The following AATK variants were observed in gnomAD, a reference collection of about 807,000 sequenced individuals.
AATK encodes the protein lemur tail kinase 1.
In AATK, 91 loss-of-function variants were observed where a neutral mutation model predicts 114.3. That is an observed-to-expected ratio of 0.80 (90% CI 0.67 to 0.95). The LOEUF (loss-of-function observed/expected upper bound fraction) is 0.95, where lower values mean the gene tolerates loss of function less well. Ranked by LOEUF, AATK falls within the 40% of genes least tolerant of loss-of-function variation. AATK has a pLI of 0.00. For synonymous variants in AATK, 1,075 were observed against 916.5 expected, an observed-to-expected ratio of 1.17 and a Z score of -3.12; for missense variants, 2,176 against 1,965.2, an observed-to-expected ratio of 1.11 and a Z score of -2.03.
intron 1 of AATK, among the ~76,000 whole-genome samples, chr17:81,155,535 G>A (rs557800988): frequency 3.3e-5 from 5 of 152,020 alleles, no homozygotes; most frequent in East Asian, 1.9e-4. Context: ...ACAGATGCCC[G>A]CCACCATGCC....
chr17:81,157,705 C>A (rs2061383438), intron 1 of AATK, among the ~76,000 whole-genome samples: 1 of 152,200 alleles, frequency 6.6e-6, no homozygotes, highest in Non-Finnish European at 1.5e-5. Context: ...CCAGGGCCTA[C>A]CCCAAGGCTG....
At chr17:81,164,408 G>A (rs1271759275) in intron 1 of AATK, among the ~76,000 whole-genome samples, 1 of 152,228 alleles carries the variant, frequency 6.6e-6, no homozygotes, top group Non-Finnish European at 1.5e-5. Context: ...GGGCCCCAGA[G>A]CCCAGCAGGT....
intron 1 of AATK, among the ~76,000 whole-genome samples, chr17:81,146,756 G>A (rs989785448): frequency 6.6e-5 from 10 of 151,830 alleles, no homozygotes; most frequent in Admixed American, 2.0e-4. Flanking sequence ...TGCCCAATCC[G>A]TGAGAAAATG....
rs748039722 is a variant in AATK at position 81,121,779 on chromosome 17, G to A, written c.2157C>T (p.Pro719=). 166 of 1,547,900 alleles carry A rather than the reference G, an allele frequency of 1.1e-4. No individual in the cohort carries two copies. Among genetic ancestry groups the A allele is most frequent in the South Asian group, 9.5e-4 (82 of 85,978 alleles). The change falls in exon 11 of 14, where the codon CCC becomes CCT. Residue 719 remains proline (P), a synonymous_variant. Transcript: ENST00000326724. ...PSPKQTPRAS[P]EPGYPGEPLL... ...GAGGCTCTCCAGGGTACCCCGGCTC[G>A]GGGGAGGCCCGTGGGGTCTGCTTTG...
chr17:81,120,275 A>T lies in AATK; in HGVS notation c.3661T>A (p.Phe1221Ile), dbSNP rs377359465. The T allele has an allele frequency of 3.1e-6, 5 of 1,603,858 alleles. No homozygotes were observed. The highest frequency in any genetic ancestry group is 4.3e-6 in the Non-Finnish European group (5 of 1,173,686). Reference sequence around the variant, plus strand: ...TTCTTGCGTTCCAGGTCCTCGCAGAAGGTCTCGGACAGCAGGCTGGGCATC... The same window carrying T: ...TTCTTGCGTTCCAGGTCCTCGCAGATGGTCTCGGACAGCAGGCTGGGCATC... ...LKMPSLLSET[F>I]CEDLERKKKA... Residue 1221 changes from phenylalanine to isoleucine, a missense_variant, in exon 11 of 14, where the codon TTC (phenylalanine) becomes ATC (isoleucine). Transcript: ENST00000326724.
At chr17:81,145,270 G>GAA (rs11393884) in intron 1 of AATK, among the ~76,000 whole-genome samples, 1 of 149,542 alleles carries the variant, frequency 6.7e-6, no homozygotes, top group African/African-American at 2.5e-5. Context: ...AAAGAAAAAA[G>GAA]AAAAAAATAG....
chr17:81,159,652 C>T (rs968436365), intron 1 of AATK, among the ~76,000 whole-genome samples: 4 of 152,122 alleles, frequency 2.6e-5, no homozygotes, highest in South Asian at 2.1e-4. Flanking sequence ...TTCCCAGAAG[C>T]AGAGCAGAAG....
chr17:81,128,848 T>C (rs2146318457), intron 3 of AATK: 1 of 1,199,880 alleles, frequency 8.3e-7, no homozygotes, highest in East Asian at 4.8e-5. Context: ...GGCCCGGAGC[T>C]CGACCCGTCA....
chr17:81,130,270 A>C (rs892069292), intron 3 of AATK, among the ~76,000 whole-genome samples: 1 of 152,158 alleles, frequency 6.6e-6, no homozygotes. Context: ...GGGAAGCCTC[A>C]GGCTGGAAGC....
intron 1 of AATK, among the ~76,000 whole-genome samples, chr17:81,138,673 GCACA>G (rs2061069789): frequency 2.1e-5 from 3 of 141,484 alleles, no homozygotes; most frequent in Middle Eastern, 4.4e-3. Flanking sequence ...ATCCATACAT[GCACA>G]CCCACCCACA....
rs901554054 is a variant in AATK, at chr17:81,126,838, C to T, written c.622-278G>A. The T allele has an allele frequency of 7.0e-6, 9 of 1,281,732 alleles. No homozygotes were observed. Among genetic ancestry groups the T allele is most frequent in the Non-Finnish European group, 6.9e-6 (7 of 1,011,072 alleles). 79.4% of individuals were successfully genotyped at this position (1,281,732 alleles called of 1,614,324 possible). A position where few individuals can be genotyped will look rare whatever the true frequency, so the allele number is the denominator to read the frequency against. On this transcript the variant is annotated intron_variant, in intron 6 of 13. Transcript: ENST00000326724. The surrounding 1 kb of genome is among the most constrained non-coding windows in gnomAD (Gnocchi z 5.1). ...TTGGCCTGTGGTAGAGAGAGAAACA[C>T]AGGGCCCAAGTGGATCTGCTTGATG...
intron 7 of AATK, chr17:81,125,454 G>A (rs982764736): frequency 2.5e-4 from 100 of 394,764 alleles, no homozygotes; most frequent in Admixed American, 4.1e-4. Context: ...GCCGGCTGCC[G>A]GAGTCCAGTT....
rs1387807805 is a variant in AATK at position 81,131,127 on chromosome 17, G to T, written c.268C>A (p.Pro90Thr). ...GTGAGTGGCAGGACGTACACGTCGG[G>T]CCCGTTCTGTGCTGCCGTGGCCGGG... is the stretch of plus-strand genomic sequence containing the variant. ...GSPATAAQNG[P>T]DVYVLPLTEV... The change falls in exon 3 of 14, where the codon CCC becomes ACC. Residue 90 changes from proline (P) to threonine (T), a missense_variant. Physicochemically the swap from Pro to Thr is conservative, Grantham distance 38. This residue lies in a region of AATK where 178 missense variants were observed against 175.4 expected (regional missense o/e 1.01). Transcript: ENST00000326724. 6.4e-7 allele frequency: 1 copy of T among 1,565,980 alleles called. No individual in the cohort carries two copies. The highest frequency in any genetic ancestry group is 1.2e-5 in the South Asian group (1 of 85,354).
rs774710532 is a variant in AATK at position 81,120,809 on chromosome 17, C to T, written c.3127G>A (p.Val1043Ile). 10 of 1,572,484 alleles carry T rather than the reference C, an allele frequency of 6.4e-6. No individual in the cohort carries two copies. In the East Asian group the frequency reaches 1.9e-4, roughly 30 times the overall value. ...CCAGAGCCTTGTGCCTCCCCGGAAA[C>T]CCCAGGCCTGAGACAGACCTGCTCA... ...PSEQVCLRPG[V>I]SGEAQGSGPG... The change falls in exon 11 of 14, where the codon GTT (valine) becomes ATT (isoleucine). Residue 1043 changes from valine to isoleucine, a missense_variant. Around this residue, in one of 4 missense-constraint regions of AATK, gnomAD observed 1,701 missense variants for 1,394.7 expected, o/e 1.22. Coordinates refer to ENST00000326724, the MANE Select transcript of AATK (RefSeq NM_001080395.3).
At chr17:81,143,835 C>T (rs2061176510) in intron 1 of AATK, among the ~76,000 whole-genome samples, 1 of 152,268 alleles carries the variant, frequency 6.6e-6, no homozygotes, top group Non-Finnish European at 1.5e-5. Flanking sequence ...AGGCTCTGCT[C>T]ACCCGTCGGG....
rs539463025 is a variant in AATK at position 81,138,934 on chromosome 17, GCA to G, written c.56-4435_56-4434del. Reference sequence around the variant, plus strand: ...GCGTAGACAGATACCACACGTGTAGGCACACACACATGCACACCCCCCACACG... The same window carrying G: ...GCGTAGACAGATACCACACGTGTAGGCACACACATGCACACCCCCCACACG... On this transcript the variant is annotated intron_variant, in intron 1 of 13. Transcript: ENST00000326724. 4.1e-3 allele frequency among the ~76,000 whole-genome samples: 605 copies of G among 147,838 alleles called. 6 individuals are homozygous for G. The highest frequency in any genetic ancestry group is 0.015 in the African/African-American group (587 of 39,690).
In AATK at chr17:81,121,057, G is replaced by A. The variant is rs200728517; in HGVS notation, c.2879C>T (p.Pro960Leu). The A allele has an allele frequency of 6.2e-7, 1 of 1,608,446 alleles. No individual in the cohort carries two copies. Among genetic ancestry groups the A allele is most frequent in the African/African-American group, 1.3e-5 (1 of 74,846 alleles). ...VLKEAQEGCE[P>L]QAFAELASEG... ...TGAGGCCAGCTCCGCAAAGGCCTGGGGCTCACACCCTTCCTGCGCCTCCTT... is the reference window on the plus strand; with the variant it reads ...TGAGGCCAGCTCCGCAAAGGCCTGGAGCTCACACCCTTCCTGCGCCTCCTT... The change falls in exon 11 of 14, where the codon CCC (proline) becomes CTC (leucine). Residue 960 changes from proline to leucine, a missense_variant. Coordinates refer to ENST00000326724, the MANE Select transcript of AATK (RefSeq NM_001080395.3).
Position 81,126,789 on chromosome 17 carries a change from C to G in AATK, c.622-229G>C. Reference sequence around the variant, plus strand: ...AGGCTTCCTCTCCACTGCCCCTCAGCCAGCCCCGGGCAGCAGGAGTCCCTT... The same window carrying G: ...AGGCTTCCTCTCCACTGCCCCTCAGGCAGCCCCGGGCAGCAGGAGTCCCTT... On this transcript the variant is annotated intron_variant, in intron 6 of 13. Coordinates refer to ENST00000326724, the MANE Select transcript of AATK (RefSeq NM_001080395.3). This position sits in a 1 kb window ranked among gnomAD's most constrained non-coding sequence, Gnocchi z 5.1. The G allele has an allele frequency of 7.2e-7, 1 of 1,379,348 alleles. No individual in the cohort carries two copies. The highest frequency in any genetic ancestry group is 9.4e-7 in the Non-Finnish European group (1 of 1,067,072). The allele number at this position is 1,379,348 out of a possible 1,614,324, so 85.4% of individuals were successfully genotyped here. A position where few individuals can be genotyped will look rare whatever the true frequency, so the allele number is the denominator to read the frequency against.
In AATK at chr17:81,120,283, G is replaced by T. The variant is rs771887428; in HGVS notation, c.3653C>A (p.Ser1218Tyr). ...TTCCAGGTCCTCGCAGAAGGTCTCG[G>T]ACAGCAGGCTGGGCATCTTGAGCAG... ...RSLLKMPSLL[S>Y]ETFCEDLERK... The change falls in exon 11 of 14, where the codon TCC becomes TAC. Residue 1218 changes from serine to tyrosine, a missense_variant. Transcript: ENST00000326724. 2 of 1,608,692 alleles carry T rather than the reference G, an allele frequency of 1.2e-6. No homozygotes were observed. Among genetic ancestry groups the T allele is most frequent in the African/African-American group, 2.7e-5 (2 of 75,020 alleles).
Sources: allele counts gnomAD v4.1 joint callset (sites outside exome capture counted in the v4.1 genomes callset), GRCh38; gene constraint gnomAD v4.1.1; regional missense constraint gnomAD v4.1.1; non-coding constraint Gnocchi (gnomAD v3.1); transcripts MANE v1.5; gene names NCBI Gene and HGNC (gene_info 2026-07-23, HGNC 2026-07-21).